Variants in MAL2 observed in about 807,000 individuals in gnomAD.
MAL2 encodes the protein mal, T cell differentiation protein 2.
Under a neutral mutation model 18.1 loss-of-function variants are expected in MAL2, and 17 were observed. That is an observed-to-expected ratio of 0.94 (90% CI 0.64 to 1.41). The LOEUF (loss-of-function observed/expected upper bound fraction) is 1.41, where lower values mean the gene tolerates loss of function less well. Ranked by LOEUF, MAL2 falls within the 40% of genes most tolerant of loss-of-function variation. MAL2 has a pLI of 0.00. For synonymous variants in MAL2, 102 were observed against 102.3 expected (o/e 1.00, Z 0.02); for missense variants, 222 against 231.9 (o/e 0.96, Z 0.28).
intron 1 of MAL2, among the ~76,000 whole-genome samples, chr8:119,219,029 G>A (rs1033601366): frequency 9.9e-5 from 15 of 152,210 alleles, no homozygotes; most frequent in South Asian, 8.3e-4. Context: ...TACTTATATC[G>A]CCTTCAGATA....
At position 119,244,732 on chromosome 8, in the gene MAL2, G is replaced by C. The variant is rs1325864524; in HGVS notation, c.*1244G>C. The C allele has an allele frequency of 4.6e-5, 7 of 152,200 alleles. No homozygotes were observed. The highest frequency in any genetic ancestry group is 4.6e-4 in the Admixed American group (7 of 15,248). 9.4% of individuals were successfully genotyped at this position (152,200 alleles called of 1,614,324 possible). Reference sequence around the variant, plus strand: ...CTGTAATGTTTTTGCACTGGTGACAGACAAAATCTGTTTTAAAATCATATC... The same window carrying C: ...CTGTAATGTTTTTGCACTGGTGACACACAAAATCTGTTTTAAAATCATATC... On this transcript the variant is annotated 3_prime_UTR_variant, in exon 4 of 4. Transcript: ENST00000614891.
intron 2 of MAL2, among the ~76,000 whole-genome samples, chr8:119,224,581 T>C (rs893784587): frequency 6.6e-6 from 1 of 151,952 alleles, no homozygotes; most frequent in Middle Eastern, 3.2e-3. Flanking sequence ...GTACATGTGG[T>C]TTTTTATTAC....
chr8:119,245,077 G>A lies in MAL2; in HGVS notation c.*1589G>A, dbSNP rs1287614941. On this transcript the variant is annotated 3_prime_UTR_variant, in exon 4 of 4. Coordinates refer to ENST00000614891, the MANE Select transcript of MAL2 (RefSeq NM_052886.3). ...CTAATAATCCTCTAGAAAGAACCCT[G>A]TTAGATCTTGGTTTGTGATAAAAAT... 4 of 152,536 alleles carry A rather than the reference G, an allele frequency of 2.6e-5. No individual in the cohort carries two copies. The highest frequency in any genetic ancestry group is 7.2e-5 in the African/African-American group (3 of 41,426). 9.4% of individuals were successfully genotyped at this position (152,536 alleles called of 1,614,324 possible). A position where few individuals can be genotyped will look rare whatever the true frequency, so the allele number is the denominator to read the frequency against.
chr8:119,209,129 C>A lies in MAL2; in HGVS notation c.132+525C>A, dbSNP rs551249259. 1.6e-4 allele frequency: 25 copies of A among 158,718 alleles called. 1 individual carries two copies. The South Asian group carries it at 4.4e-3, about 28-fold the overall frequency. The allele number at this position is 158,718 out of a possible 1,614,324, so 9.8% of individuals were successfully genotyped here. On this transcript the variant is annotated intron_variant, in intron 1 of 3. Transcript: ENST00000614891. ...AGGACTTGAACATGCTTTTTCCCCACTCACCCTTGCCATCATTAGTGGCCT... is the reference window on the plus strand; with the variant it reads ...AGGACTTGAACATGCTTTTTCCCCAATCACCCTTGCCATCATTAGTGGCCT...
intron 2 of MAL2, among the ~76,000 whole-genome samples, chr8:119,226,120 T>C (rs1420511879): frequency 1.3e-5 from 2 of 152,216 alleles, no homozygotes; most frequent in East Asian, 3.9e-4. Flanking sequence ...TTTCTTTTGC[T>C]GTGCAGAAGC....
intron 2 of MAL2, among the ~76,000 whole-genome samples, chr8:119,228,085 C>T (rs1373884113): frequency 1.3e-5 from 2 of 152,136 alleles, no homozygotes; most frequent in Non-Finnish European, 2.9e-5. Context: ...TCCTTTCGCC[C>T]TCTTATGGCA....
chr8:119,223,230 A>G (rs1461587440), intron 2 of MAL2: 2 of 152,200 alleles, frequency 1.3e-5, no homozygotes, highest in Admixed American at 1.3e-4. Context: ...CCTTTAAGCC[A>G]GCCCTGGGGC....
chr8:119,239,058 A>G (rs1817984038), intron 2 of MAL2, among the ~76,000 whole-genome samples: 1 of 152,134 alleles, frequency 6.6e-6, no homozygotes, highest in Non-Finnish European at 1.5e-5. Flanking sequence ...AGAATCTACA[A>G]TGAACTCAAA....
At chr8:119,238,310 A>C (rs1817958757) in intron 2 of MAL2, among the ~76,000 whole-genome samples, 1 of 152,218 alleles carries the variant, frequency 6.6e-6, no homozygotes. Flanking sequence ...TTCCATGCTC[A>C]TGGGTAGGAA....
chr8:119,228,791 A>G (rs1817648844), intron 2 of MAL2, among the ~76,000 whole-genome samples: 1 of 152,134 alleles, frequency 6.6e-6, no homozygotes, highest in Admixed American at 6.5e-5. Flanking sequence ...AGTGAGAATA[A>G]CCATTATGGG....
chr8:119,211,904 GT>G (rs1436148809), intron 1 of MAL2, among the ~76,000 whole-genome samples: 1 of 152,058 alleles, frequency 6.6e-6, no homozygotes, highest in Admixed American at 6.6e-5. Flanking sequence ...AAATCTCACA[GT>G]TTTTTGAGTG....
intron 2 of MAL2, among the ~76,000 whole-genome samples, chr8:119,232,220 CAATT>C (rs1250504254): frequency 6.6e-6 from 1 of 150,644 alleles, no homozygotes; most frequent in South Asian, 2.1e-4. Flanking sequence ...GTATTTTTCT[CAATT>C]AAAATAATTT....
At position 119,208,393 on chromosome 8, in the gene MAL2, C is replaced by G. The variant is rs1439077998; in HGVS notation, c.-80C>G. 7 of 804,022 alleles carry G rather than the reference C, an allele frequency of 8.7e-6. No homozygotes were observed. Among genetic ancestry groups the G allele is most frequent in the African/African-American group, 7.5e-5 (4 of 53,322 alleles). 49.8% of individuals were successfully genotyped at this position (804,022 alleles called of 1,614,324 possible). On this transcript the variant is annotated 5_prime_UTR_variant, in exon 1 of 4. Transcript: ENST00000614891. This position sits in a 1 kb window ranked among gnomAD's most constrained non-coding sequence, Gnocchi z 4.3. ...CGGAGCCCGCGGAGCTGAGCGGCGG[C>G]GGCGGCGGCGGCAGGAGCCCGGGAG...
At chr8:119,241,192 C>T (rs530691768) in intron 3 of MAL2, among the ~76,000 whole-genome samples, 8 of 152,090 alleles carry the variant, frequency 5.3e-5, no homozygotes, top group African/African-American at 1.4e-4. Context: ...AAGTGCTGTC[C>T]AAAATGGTGG....
At chr8:119,220,991 A>G (rs1257087406) in intron 1 of MAL2, 1 of 152,280 alleles carries the variant, frequency 6.6e-6, no homozygotes, top group Non-Finnish European at 1.5e-5. Context: ...ATTTATTGAT[A>G]CTTAGATCCA....
chr8:119,227,500 T>C (rs1817620381), intron 2 of MAL2, among the ~76,000 whole-genome samples: 1 of 152,212 alleles, frequency 6.6e-6, no homozygotes, highest in Non-Finnish European at 1.5e-5. Flanking sequence ...CAAGCACTAG[T>C]ACCTCCACTG....
rs947104133 is a variant in MAL2, at chr8:119,245,649, C to G, written c.*2161C>G. 2 of 151,962 alleles carry G rather than the reference C, an allele frequency of 1.3e-5. No individual in the cohort carries two copies. Among genetic ancestry groups the G allele is most frequent in the Admixed American group, 6.6e-5 (1 of 15,252 alleles). The allele number at this position is 151,962 out of a possible 1,614,324, so 9.4% of individuals were successfully genotyped here. ...GAAATTTATTTTATACGTGTTATGT[C>G]TCTAATAAAGTATTCATTTGATAAT... On this transcript the variant is annotated 3_prime_UTR_variant, in exon 4 of 4. Coordinates refer to ENST00000614891, the MANE Select transcript of MAL2 (RefSeq NM_052886.3).
At chr8:119,218,010 A>G (rs943729957) in intron 1 of MAL2, among the ~76,000 whole-genome samples, 1 of 152,196 alleles carries the variant, frequency 6.6e-6, no homozygotes, top group Non-Finnish European at 1.5e-5. Flanking sequence ...TTTTGTCAAA[A>G]GGAAATCACA....
At chr8:119,237,939 G>C (rs1817947481) in intron 2 of MAL2, among the ~76,000 whole-genome samples, 1 of 152,118 alleles carries the variant, frequency 6.6e-6, no homozygotes, top group African/African-American at 2.4e-5. Flanking sequence ...TTCTGGCCAG[G>C]GCCATCAGGC....
Sources: gnomAD v4.1 joint callset for allele counts (sites outside exome capture counted in the v4.1 genomes callset) on GRCh38, gnomAD v4.1.1 for gene constraint, Gnocchi (gnomAD v3.1) non-coding constraint, MANE v1.5 for transcripts, NCBI Gene and HGNC (gene_info 2026-07-23, HGNC 2026-07-21) for gene names.